NEDD9: variants seen among roughly 807,000 people sequenced by gnomAD.
The protein encoded by NEDD9 is enhancer of filamentation 1.
NEDD9 carries 26 observed loss-of-function variants against 76.6 expected under a neutral mutation model. The ratio of observed to expected loss-of-function variants is 0.34; its 90% CI spans 0.25 to 0.47. The LOEUF is 0.47. NEDD9 is among the 20% of genes least tolerant of loss of function. The pLI is 1.00. For synonymous variants in NEDD9, 392 were observed against 414.2 expected, an observed-to-expected ratio of 0.95 and a Z score of 0.65; for missense variants, 937 against 1,058.5, an observed-to-expected ratio of 0.89 and a Z score of 1.59.
intron 3 of NEDD9, among the ~76,000 whole-genome samples, chr6:11,244,145 C>T (rs1454930118): frequency 1.3e-5 from 2 of 152,186 alleles, no homozygotes; most frequent in Non-Finnish European, 2.9e-5. Context: ...AGCCTTCAGA[C>T]TCAAGCTGCA....
At chr6:11,313,621 T>C (rs1374345850) in intron 2 of NEDD9, among the ~76,000 whole-genome samples, 2 of 151,416 alleles carry the variant, frequency 1.3e-5, no homozygotes, top group African/African-American at 4.9e-5. Flanking sequence ...GATGGATGAG[T>C]GGATGGATGG....
At chr6:11,329,231 G>A (rs952088256) in intron 2 of NEDD9, among the ~76,000 whole-genome samples, 7 of 152,212 alleles carry the variant, frequency 4.6e-5, no homozygotes, top group South Asian at 2.1e-4. Context: ...AGAGAGACCC[G>A]GCTTGGGATT....
chr6:11,287,418 A>T (rs1760674086), intron 3 of NEDD9, among the ~76,000 whole-genome samples: 2 of 151,926 alleles, frequency 1.3e-5, no homozygotes, highest in Non-Finnish European at 2.9e-5. Flanking sequence ...GCAGAGCGAG[A>T]CTCCATCTCA....
intron 3 of NEDD9, among the ~76,000 whole-genome samples, chr6:11,291,146 G>T (rs1456144741): frequency 6.6e-6 from 1 of 152,090 alleles, no homozygotes; most frequent in African/African-American, 2.4e-5. Context: ...GAGCCACTGA[G>T]CTTGTACGAT....
chr6:11,206,765 G>C (rs778641256), intron 2 of NEDD9, among the ~76,000 whole-genome samples: 1 of 151,944 alleles, frequency 6.6e-6, no homozygotes, highest in Non-Finnish European at 1.5e-5. Context: ...AGGGGTGTTA[G>C]AGTTTGCTCA....
intron 3 of NEDD9, among the ~76,000 whole-genome samples, chr6:11,264,713 TA>T (rs1200993144): frequency 6.6e-6 from 1 of 152,240 alleles, no homozygotes; most frequent in Non-Finnish European, 1.5e-5. Context: ...GTAAGTATTT[TA>T]ATATAACTAA....
rs1247393368 is a variant in NEDD9 at position 11,190,526 on chromosome 6, A to G, written c.1343T>C (p.Ile448Thr). 3.1e-6 allele frequency: 5 copies of G among 1,614,124 alleles called. No homozygotes were observed. Among genetic ancestry groups the G allele is most frequent in the South Asian group, 2.2e-5 (2 of 91,082 alleles). Reference sequence around the variant, plus strand: ...CTCCACCTTGTCCACTGCTGTGCGTATTTCATTGATGTGTCTTTCCATATA... The same window carrying G: ...CTCCACCTTGTCCACTGCTGTGCGTGTTTCATTGATGTGTCTTTCCATATA... The part of the protein sequence containing the change: ...YGYMERHINE[I>T]RTAVDKVELF... The change falls in exon 5 of 7, where the codon ATA becomes ACA. Residue 448 changes from isoleucine to threonine, a missense_variant. By Grantham distance (89) the Ile-to-Thr change is moderately conservative. Coordinates refer to ENST00000379446, the MANE Select transcript of NEDD9 (RefSeq NM_006403.4). The surrounding 1 kb of genome is among the most constrained non-coding windows in gnomAD (Gnocchi z 5.8).
rs35645998 is a variant in NEDD9, at chr6:11,213,422, G to A, written c.318C>T (p.Tyr106=). ...NPQAAPRDTI[Y]QVPPSYQNQG... is the part of the protein sequence containing the mutation. ...GATTTTGGTAGGAAGGTGGCACTTG[G>A]TAGATGGTGTCTCGGGGAGCAGCCT... The change falls in exon 2 of 7, where the codon TAC becomes TAT. Residue 106 remains tyrosine (Y), a synonymous_variant. Transcript: ENST00000379446. The surrounding 1 kb of genome is among the most constrained non-coding windows in gnomAD (Gnocchi z 5.4). The A allele has an allele frequency of 6.8e-4, 1,104 of 1,614,054 alleles. 10 individuals carry two copies. The African/African-American group carries it at 0.012, about 18-fold the overall frequency.
chr6:11,332,107 A>C (rs1762051046), intron 2 of NEDD9, among the ~76,000 whole-genome samples: 1 of 152,270 alleles, frequency 6.6e-6, no homozygotes, highest in African/African-American at 2.4e-5. Context: ...TGTTGGTAAC[A>C]GTGAGCATCA....
chr6:11,363,340 A>G (rs2113556702), intron 1 of NEDD9, among the ~76,000 whole-genome samples: 1 of 152,304 alleles, frequency 6.6e-6, no homozygotes, highest in South Asian at 2.1e-4. Context: ...TTTAAGCCTA[A>G]AAATGGTTTA....
chr6:11,356,711 G>A (rs1171010808), intron 1 of NEDD9, among the ~76,000 whole-genome samples: 2 of 151,428 alleles, frequency 1.3e-5, no homozygotes, highest in Non-Finnish European at 2.9e-5. Context: ...TTTAATCGTT[G>A]GCATCATCAT....
At chr6:11,219,227 A>G (rs998684890) in intron 1 of NEDD9, among the ~76,000 whole-genome samples, 1 of 152,164 alleles carries the variant, frequency 6.6e-6, no homozygotes, top group Non-Finnish European at 1.5e-5. Flanking sequence ...CTGCTATCAA[A>G]ATGTCAAGAA....
At chr6:11,334,711 C>A (rs534229395) in intron 1 of NEDD9, 1 of 152,248 alleles carries the variant, frequency 6.6e-6, no homozygotes, top group South Asian at 2.1e-4. Flanking sequence ...TTGCTAATGA[C>A]TTACTACTTG....
intron 1 of NEDD9, among the ~76,000 whole-genome samples, chr6:11,229,715 A>G (rs993735751): frequency 6.6e-6 from 1 of 152,246 alleles, no homozygotes; most frequent in Admixed American, 6.5e-5. Context: ...TGGAAAATTA[A>G]GTACGTATGA....
At chr6:11,256,581 C>G (rs931022605) in intron 3 of NEDD9, among the ~76,000 whole-genome samples, 1 of 152,192 alleles carries the variant, frequency 6.6e-6, no homozygotes, top group Non-Finnish European at 1.5e-5. Flanking sequence ...CCACCTCAGC[C>G]TCCTGAGTAG....
At chr6:11,296,981 G>A (rs192449479) in intron 3 of NEDD9, among the ~76,000 whole-genome samples, 5 of 152,228 alleles carry the variant, frequency 3.3e-5, no homozygotes, top group South Asian at 2.1e-4. Flanking sequence ...CACCCACCTC[G>A]GCCTCCCAAA....
chr6:11,343,158 C>T (rs1295355901), intron 1 of NEDD9, among the ~76,000 whole-genome samples: 14 of 152,052 alleles, frequency 9.2e-5, no homozygotes, highest in Admixed American at 2.0e-4. Flanking sequence ...GGCCCAGTGC[C>T]GTGGCTCACG....
intron 3 of NEDD9, chr6:11,305,800 G>C: frequency 1.6e-6 from 1 of 643,164 alleles, no homozygotes. Flanking sequence ...GTGGGCATCA[G>C]TGCATCCATG....
At chr6:11,355,943 G>C (rs56015796) in intron 1 of NEDD9, among the ~76,000 whole-genome samples, 2,566 of 152,110 alleles carry the variant, frequency 0.017, 73 homozygotes, top group African/African-American at 0.059. Context: ...GGATGGTCTC[G>C]ATCTCCTGAC....
Sources: allele counts gnomAD v4.1 joint callset (sites outside exome capture counted in the v4.1 genomes callset), GRCh38; gene constraint gnomAD v4.1.1; non-coding constraint Gnocchi (gnomAD v3.1); transcripts MANE v1.5; gene names NCBI Gene and HGNC (gene_info 2026-07-23, HGNC 2026-07-21).